Variants in ABCC9 observed in about 807,000 individuals in gnomAD.
ABCC9 encodes ATP-binding cassette sub-family C member 9.
Under a neutral mutation model 188.3 loss-of-function variants are expected in ABCC9, and 95 were observed. The ratio of observed to expected loss-of-function variants is 0.50; its 90% CI spans 0.43 to 0.60. ABCC9 has a LOEUF of 0.60. ABCC9 is among the 20% of genes least tolerant of loss of function. ABCC9 has a pLI of 0.00. For synonymous variants in ABCC9, 659 were observed against 652.7 expected (o/e 1.01, Z -0.15); for missense variants, 1,102 against 1,876.3 (o/e 0.59, Z 7.62).
chr12:21,827,107 C>T (rs1053689799), intron 31 of ABCC9: 9 of 985,048 alleles, frequency 9.1e-6, no homozygotes, highest in African/African-American at 3.5e-5. Context: ...TGCTTTTTCA[C>T]GTGGGGGTTA....
rs547069879 is a variant in ABCC9 at position 21,864,923 on chromosome 12, C to T, written c.2199-446G>A. 9.9e-5 allele frequency among the ~76,000 whole-genome samples: 15 copies of T among 152,044 alleles called. No homozygotes were observed. The East Asian group carries it at 1.9e-3, about 20-fold the overall frequency. On this transcript the variant is annotated intron_variant, in intron 18 of 39. Transcript: ENST00000261200. ...GGTAGCAGCAGAAATACTTTTTGGGCACTAAACACGAAAGATACACAAAAC... is the reference window on the plus strand; with the variant it reads ...GGTAGCAGCAGAAATACTTTTTGGGTACTAAACACGAAAGATACACAAAAC...
At chr12:21,837,781 T>C (rs896905810) in intron 30 of ABCC9, among the ~76,000 whole-genome samples, 13 of 31,026 alleles carry the variant, frequency 4.2e-4, no homozygotes, top group Admixed American at 1.9e-3. Context: ...CAAAATTGAT[T>C]TTCTCCATTT....
At chr12:21,898,515 G>T (rs966048235) in intron 12 of ABCC9, among the ~76,000 whole-genome samples, 27 of 152,126 alleles carry the variant, frequency 1.8e-4, no homozygotes, top group African/African-American at 6.5e-4. Context: ...ATTAGGGCTA[G>T]AATAAAGGGG....
intron 29 of ABCC9, among the ~76,000 whole-genome samples, chr12:21,839,018 G>A (rs536135504): frequency 2.6e-5 from 4 of 152,268 alleles, no homozygotes; most frequent in African/African-American, 7.2e-5. Flanking sequence ...AAAGCCTGAC[G>A]CTGTCTCAAA....
At chr12:21,936,882 T>C (rs1370266123) in intron 2 of ABCC9, among the ~76,000 whole-genome samples, 188 bp from the exon 3 acceptor site, 4 of 152,198 alleles carry the variant, frequency 2.6e-5, no homozygotes, top group Non-Finnish European at 5.9e-5. Context: ...TATGAGATCT[T>C]CTTTTCCATA....
At chr12:21,842,183 T>A in intron 29 of ABCC9, 131 bp downstream of exon 29, 1 of 1,117,480 alleles carries the variant, frequency 8.9e-7, no homozygotes, top group Non-Finnish European at 1.3e-6. Context: ...CAAATTCAAG[T>A]TTTGTGTTTT....
At chr12:21,810,617 G>A (rs1001726210) in intron 36 of ABCC9, among the ~76,000 whole-genome samples, 4 of 152,062 alleles carry the variant, frequency 2.6e-5, no homozygotes, top group Non-Finnish European at 1.5e-5. Context: ...ACTATTATGA[G>A]AACAGCATGG....
chr12:21,811,455 G>C (rs1292605420), intron 36 of ABCC9, among the ~76,000 whole-genome samples: 7 of 152,140 alleles, frequency 4.6e-5, no homozygotes, highest in African/African-American at 1.7e-4. Context: ...TTAAGTTACA[G>C]CTTCTTTGAG....
chr12:21,882,727 T>G (rs1946682197), intron 16 of ABCC9, 39 bp downstream of exon 16: 1 of 1,510,730 alleles, frequency 6.6e-7, no homozygotes, highest in African/African-American at 1.4e-5. Context: ...GTAACATAAA[T>G]GTTTCTATTC....
At position 21,915,872 on chromosome 12, in the gene ABCC9, A is replaced by C. The variant is rs375789756; in HGVS notation, c.612T>G (p.Pro204=). Residue 204 remains proline, a synonymous_variant, in exon 7 of 40, where the codon CCT becomes CCG. Coordinates refer to ENST00000261200, the MANE Select transcript of ABCC9 (RefSeq NM_020297.4). ...VFFMNPQKVK[P]PEDLQDLGVR... is the part of the protein sequence containing the mutation. ...CTCCCAGATCCTGGAGGTCTTCAGG[A>C]GGCTTTACTTTCTGAGGATTCATGA... is the stretch of plus-strand genomic sequence containing the variant. 1 of 1,613,420 alleles carries C rather than the reference A, an allele frequency of 6.2e-7. No individual in the cohort carries two copies. Among genetic ancestry groups the C allele is most frequent in the African/African-American group, 1.3e-5 (1 of 74,926 alleles).
At chr12:21,806,465 C>T (rs924380629) in intron 38 of ABCC9, among the ~76,000 whole-genome samples, 2 of 152,132 alleles carry the variant, frequency 1.3e-5, no homozygotes, top group Non-Finnish European at 2.9e-5. Flanking sequence ...TGGACTTTGA[C>T]ACATAAATGG....
chr12:21,905,571 A>G (rs1198959602), intron 12 of ABCC9, among the ~76,000 whole-genome samples: 2 of 152,102 alleles, frequency 1.3e-5, no homozygotes, highest in African/African-American at 4.8e-5. Context: ...TTGATGCAAA[A>G]TAATAATAAA....
chr12:21,844,648 T>C lies in ABCC9; in HGVS notation c.3246-96A>G, dbSNP rs148380848. On this transcript the variant is annotated intron_variant, in intron 27 of 39. Coordinates refer to ENST00000261200, the MANE Select transcript of ABCC9 (RefSeq NM_020297.4). ...TCTTAGTGTCATGAAAATGAGAAGC[T>C]CCCTATTCATTTGCTCAAGGACTAA... 769 of 1,541,302 alleles carry C rather than the reference T, an allele frequency of 5.0e-4. 4 individuals are homozygous for C. In the African/African-American group the frequency reaches 8.8e-3, roughly 18 times the overall value.
chr12:21,824,290 C>T (rs1391639493), intron 31 of ABCC9, among the ~76,000 whole-genome samples: 3 of 152,070 alleles, frequency 2.0e-5, no homozygotes, highest in African/African-American at 7.2e-5. Context: ...TGATGGATTA[C>T]GTTTATTGAT....
chr12:21,889,888 C>A (rs1364014171), intron 14 of ABCC9, among the ~76,000 whole-genome samples: 2 of 152,072 alleles, frequency 1.3e-5, no homozygotes, highest in East Asian at 3.9e-4. Context: ...ACTTCCCTTC[C>A]CCTCCCATGT....
intron 30 of ABCC9, among the ~76,000 whole-genome samples, chr12:21,834,954 A>C (rs1376859674): frequency 6.6e-6 from 1 of 151,996 alleles, no homozygotes; most frequent in Non-Finnish European, 1.5e-5. Flanking sequence ...GGTTGCCAAG[A>C]CGTAGATCCT....
At chr12:21,895,486 G>T (rs1199654171) in intron 12 of ABCC9, among the ~76,000 whole-genome samples, 171 bp from the exon 13 acceptor site, 10 of 152,140 alleles carry the variant, frequency 6.6e-5, no homozygotes, top group Admixed American at 6.5e-5. Flanking sequence ...CTACTTGTGT[G>T]CAGTTTTATG....
At chr12:21,903,449 GAAAT>G (rs1947872821) in intron 12 of ABCC9, among the ~76,000 whole-genome samples, 1 of 152,132 alleles carries the variant, frequency 6.6e-6, no homozygotes, top group South Asian at 2.1e-4. Context: ...GCAGGAGAAA[GAAAT>G]AAAGGGTATT....
chr12:21,895,129 G>C, intron 13 of ABCC9, 146 bp downstream of exon 13: 1 of 703,202 alleles, frequency 1.4e-6, no homozygotes, highest in Non-Finnish European at 2.4e-6. Context: ...GAGAAACCCT[G>C]GATTAGAACT....
Sources: allele counts gnomAD v4.1 joint callset (sites outside exome capture counted in the v4.1 genomes callset), GRCh38; gene constraint gnomAD v4.1.1; transcripts MANE v1.5; gene names NCBI Gene and HGNC (gene_info 2026-07-23, HGNC 2026-07-21).